The following INPP4B variants were observed in gnomAD, a reference collection of about 807,000 sequenced individuals.
INPP4B encodes inositol polyphosphate-4-phosphatase type II B.
In INPP4B, 55 loss-of-function variants were observed where a neutral mutation model predicts 122.5. The ratio of observed to expected loss-of-function variants is 0.45; its 90% CI spans 0.36 to 0.56. The LOEUF is 0.56. Ranked by LOEUF, INPP4B falls within the 20% of genes least tolerant of loss-of-function variation. The pLI is 0.00. For synonymous variants in INPP4B, 403 were observed against 388.7 expected, an observed-to-expected ratio of 1.04 and a Z score of -0.43; for missense variants, 1,000 against 1,097.7, an observed-to-expected ratio of 0.91 and a Z score of 1.26.
intron 2 of INPP4B, among the ~76,000 whole-genome samples, chr4:142,486,968 C>T (rs1331399948): frequency 6.6e-6 from 1 of 152,122 alleles, no homozygotes; most frequent in Admixed American, 6.6e-5. Flanking sequence ...TATGGTTTGG[C>T]TCTGTGTCCC....
At position 142,147,928 on chromosome 4, in the gene INPP4B, G is replaced by T. The variant is rs548101091; in HGVS notation, c.1564-1932C>A. ...TAAGGAAGCTCATTTATTCCAGGAAGAAATGCTGGGGAAGGGTAAGTAACC... is the reference window on the plus strand; with the variant it reads ...TAAGGAAGCTCATTTATTCCAGGAATAAATGCTGGGGAAGGGTAAGTAACC... On this transcript the variant is annotated intron_variant, in intron 17 of 25. Transcript: ENST00000262992. Among the ~76,000 whole-genome samples, 39 of 152,240 alleles carry T rather than the reference G, an allele frequency of 2.6e-4. 1 individual carries two copies. The highest frequency in any genetic ancestry group is 3.8e-4 in the Non-Finnish European group (26 of 68,014).
At chr4:142,470,811 G>C (rs1382035074) in intron 2 of INPP4B, among the ~76,000 whole-genome samples, 1 of 151,974 alleles carries the variant, frequency 6.6e-6, no homozygotes, top group East Asian at 1.9e-4. Flanking sequence ...CCATTCTAGA[G>C]AAATAATCCT....
At chr4:142,446,477 G>T (rs1812936614) in intron 3 of INPP4B, among the ~76,000 whole-genome samples, 1 of 152,012 alleles carries the variant, frequency 6.6e-6, no homozygotes, top group Non-Finnish European at 1.5e-5. Context: ...AAATAATTTG[G>T]TGATATCCAG....
intron 7 of INPP4B, among the ~76,000 whole-genome samples, chr4:142,356,737 T>A (rs576991721): frequency 6.6e-6 from 1 of 151,968 alleles, no homozygotes; most frequent in Non-Finnish European, 1.5e-5. Context: ...TCCTTGGAAC[T>A]TTTTGGGTGA....
intron 11 of INPP4B, among the ~76,000 whole-genome samples, chr4:142,252,085 A>G (rs1302182711): frequency 6.6e-6 from 1 of 152,194 alleles, no homozygotes; most frequent in Admixed American, 6.5e-5. Context: ...CTCATTTGTG[A>G]AATATGGATA....
intron 2 of INPP4B, among the ~76,000 whole-genome samples, chr4:142,577,842 G>A (rs950520479): frequency 3.3e-5 from 5 of 151,936 alleles, no homozygotes; most frequent in African/African-American, 4.8e-5. Flanking sequence ...GAGGTCATCT[G>A]CAGTTCCTTT....
At chr4:142,453,495 T>G (rs1255952126) in intron 3 of INPP4B, among the ~76,000 whole-genome samples, 1 of 152,162 alleles carries the variant, frequency 6.6e-6, no homozygotes, top group Non-Finnish European at 1.5e-5. Context: ...GATAATGAAT[T>G]TAATTAAAAT....
At chr4:142,665,310 G>C (rs1483338601) in intron 2 of INPP4B, among the ~76,000 whole-genome samples, 3 of 151,990 alleles carry the variant, frequency 2.0e-5, no homozygotes, top group African/African-American at 7.2e-5. Flanking sequence ...TGCTAACACA[G>C]TGAAACCCTG....
chr4:142,179,928 T>G (rs1290788683), intron 15 of INPP4B, among the ~76,000 whole-genome samples: 1 of 152,182 alleles, frequency 6.6e-6, no homozygotes, highest in East Asian at 1.9e-4. Flanking sequence ...GTTGTCCCTA[T>G]GGAGATAATA....
At chr4:142,271,208 G>T (rs1378668318) in intron 9 of INPP4B, among the ~76,000 whole-genome samples, 3 of 152,240 alleles carry the variant, frequency 2.0e-5, no homozygotes, top group Non-Finnish European at 4.4e-5. Flanking sequence ...CTCCCAAAGT[G>T]CTGGGATTAC....
At chr4:142,263,570 C>G (rs1388514427) in intron 10 of INPP4B, among the ~76,000 whole-genome samples, 1 of 142,526 alleles carries the variant, frequency 7.0e-6, no homozygotes, top group Non-Finnish European at 1.5e-5. Context: ...CGAAAATAGA[C>G]AAATAGTTTT....
At chr4:142,724,090 A>G (rs1214361243) in intron 2 of INPP4B, among the ~76,000 whole-genome samples, 3 of 152,144 alleles carry the variant, frequency 2.0e-5, no homozygotes, top group African/African-American at 7.2e-5. Context: ...TTATTTACAT[A>G]ATAGAAAAAA....
At position 142,193,236 on chromosome 4, in the gene INPP4B, A is replaced by G. The variant is rs1314638904; in HGVS notation, c.1073-41T>C. On this transcript the variant is annotated intron_variant, in intron 14 of 25. Transcript: ENST00000262992. ...ACAAGGAGATGAACACTTTGCAAACATTTATCTCCGTCATGCTGTTTGCAT... is the reference window on the plus strand; with the variant it reads ...ACAAGGAGATGAACACTTTGCAAACGTTTATCTCCGTCATGCTGTTTGCAT... 5.3e-6 allele frequency: 6 copies of G among 1,134,456 alleles called. No individual in the cohort carries two copies. The African/African-American group carries it at 9.1e-5, about 17-fold the overall frequency. 70.3% of individuals were successfully genotyped at this position (1,134,456 alleles called of 1,614,324 possible). A position where few individuals can be genotyped will look rare whatever the true frequency, so the allele number is the denominator to read the frequency against.
intron 2 of INPP4B, among the ~76,000 whole-genome samples, chr4:142,512,660 T>G (rs1824887138): frequency 6.6e-6 from 1 of 152,172 alleles, no homozygotes; most frequent in Non-Finnish European, 1.5e-5. Context: ...TATGTCTCAC[T>G]TTAGTCGTCG....
At chr4:142,524,366 G>T (rs1280476968) in intron 2 of INPP4B, among the ~76,000 whole-genome samples, 3 of 151,910 alleles carry the variant, frequency 2.0e-5, no homozygotes, top group Non-Finnish European at 4.4e-5. Flanking sequence ...GTGTGAGATG[G>T]TATCTCACTG....
intron 2 of INPP4B, among the ~76,000 whole-genome samples, chr4:142,664,602 TA>T (rs1468567140): frequency 2.0e-5 from 3 of 152,080 alleles, no homozygotes; most frequent in East Asian, 1.9e-4. Context: ...AACAGTAAAA[TA>T]ATCAGTTTAT....
At chr4:142,198,510 C>G (rs1839335685) in intron 14 of INPP4B, among the ~76,000 whole-genome samples, 1 of 151,438 alleles carries the variant, frequency 6.6e-6, no homozygotes, top group South Asian at 2.1e-4. Context: ...CCAGCGTTCT[C>G]CCATGCTTTT....
In INPP4B at chr4:142,024,790, G is replaced by A. The variant is rs970916122; in HGVS notation, c.*3992C>T. ...ATAGATGGTGAAGTACATTTTTAGT[G>A]ATATCTGATTGGGCTAACAGTTCCC... is the stretch of plus-strand genomic sequence containing the variant. On this transcript the variant is annotated 3_prime_UTR_variant, in exon 26 of 26. Coordinates refer to ENST00000262992, the MANE Select transcript of INPP4B (RefSeq NM_001101669.3). 6.6e-6 allele frequency: 1 copy of A among 152,106 alleles called. No individual in the cohort carries two copies. The highest frequency in any genetic ancestry group is 1.5e-5 in the Non-Finnish European group (1 of 68,020). The allele number at this position is 152,106 out of a possible 1,614,324, so 9.4% of individuals were successfully genotyped here. A position where few individuals can be genotyped will look rare whatever the true frequency, so the allele number is the denominator to read the frequency against.
chr4:142,716,175 C>T (rs1266440477), intron 2 of INPP4B, among the ~76,000 whole-genome samples: 1 of 152,168 alleles, frequency 6.6e-6, no homozygotes, highest in Non-Finnish European at 1.5e-5. Context: ...GATGGGGATG[C>T]CAACGAGGTT....
Sources: gnomAD v4.1 joint callset for allele counts (sites outside exome capture counted in the v4.1 genomes callset) on GRCh38, gnomAD v4.1.1 for gene constraint, MANE v1.5 for transcripts, NCBI Gene and HGNC (gene_info 2026-07-23, HGNC 2026-07-21) for gene names.